The following FAM135B variants were observed in gnomAD, a reference collection of about 807,000 sequenced individuals.
FAM135B encodes family with sequence similarity 135 member B.
A neutral mutation model predicts 127.7 loss-of-function variants in FAM135B; 43 were observed. The observed-to-expected ratio is 0.34, with a 90% confidence interval of 0.26 to 0.43. The LOEUF (loss-of-function observed/expected upper bound fraction) is 0.43. Among genes scored for constraint, FAM135B ranks in the 20% least tolerant of loss-of-function variants. The pLI is 1.00. For missense variants in FAM135B, 1,558 were observed against 1,725.6 expected, an observed-to-expected ratio of 0.90 and a Z score of 1.72; for synonymous variants, 670 against 665.1, an observed-to-expected ratio of 1.01 and a Z score of -0.11.
chr8:138,405,663 A>G (rs1390985582), intron 1 of FAM135B, among the ~76,000 whole-genome samples: 1 of 152,122 alleles, frequency 6.6e-6, no homozygotes, highest in East Asian at 1.9e-4. Flanking sequence ...GAATAGTGCC[A>G]CAATAAACAT....
chr8:138,343,015 C>T (rs1227668719), intron 2 of FAM135B, among the ~76,000 whole-genome samples: 1 of 152,216 alleles, frequency 6.6e-6, no homozygotes, highest in Non-Finnish European at 1.5e-5. Flanking sequence ...TCCTTACATT[C>T]CATGCTTCAA....
chr8:138,475,273 G>A (rs1587541679), intron 1 of FAM135B, among the ~76,000 whole-genome samples: 2 of 152,006 alleles, frequency 1.3e-5, no homozygotes, highest in Admixed American at 1.3e-4. Flanking sequence ...CCACAATTCT[G>A]TCTCCTGCCC....
intron 3 of FAM135B, among the ~76,000 whole-genome samples, chr8:138,309,283 G>A (rs1265463716): frequency 6.6e-6 from 1 of 151,466 alleles, no homozygotes; most frequent in Non-Finnish European, 1.5e-5. Context: ...AGGAAAGGAG[G>A]GAACTACTGG....
rs935364108 is a variant in FAM135B, at chr8:138,242,355, T to C, written c.669+587A>G. On this transcript the variant is annotated intron_variant, in intron 7 of 19. Transcript: ENST00000395297. The surrounding 1 kb of genome is among the most constrained non-coding windows in gnomAD (Gnocchi z 9.6). The stretch of plus-strand genomic sequence containing the variant: ...TGAGCAGAATCATACCCTGTGTGGT[T>C]AAAGCCCTGCACATCACAGAAGAGC... Among the ~76,000 whole-genome samples the C allele has an allele frequency of 6.6e-6, 1 of 152,040 alleles. No individual in the cohort carries two copies. The highest frequency in any genetic ancestry group is 6.6e-5 in the Admixed American group (1 of 15,258).
intron 2 of FAM135B, among the ~76,000 whole-genome samples, chr8:138,330,640 G>A (rs1828101693): frequency 1.3e-5 from 2 of 152,124 alleles, no homozygotes; most frequent in African/African-American, 4.8e-5. Context: ...TCAACTCACA[G>A]AGGTTAAGTG....
chr8:138,280,812 C>T (rs1442724209), intron 3 of FAM135B, among the ~76,000 whole-genome samples: 1 of 152,112 alleles, frequency 6.6e-6, no homozygotes, highest in Non-Finnish European at 1.5e-5. Context: ...AGCAGTGTCT[C>T]CCCAAGGGAA....
intron 2 of FAM135B, among the ~76,000 whole-genome samples, chr8:138,335,770 C>T (rs1563910700): frequency 6.6e-6 from 1 of 152,214 alleles, no homozygotes; most frequent in African/African-American, 2.4e-5. Flanking sequence ...TAGACATCTA[C>T]AGAACTCTCC....
intron 7 of FAM135B, among the ~76,000 whole-genome samples, chr8:138,239,547 G>A (rs11994846): frequency 0.17 from 26,606 of 152,088 alleles, 2,445 homozygotes; most frequent in African/African-American, 0.21. Context: ...CTGTGCAGAA[G>A]CTCTTTAGTT....
intron 1 of FAM135B, among the ~76,000 whole-genome samples, chr8:138,396,039 T>C (rs1439090555): frequency 6.6e-6 from 1 of 152,208 alleles, no homozygotes; most frequent in East Asian, 1.9e-4. Context: ...TTATGTCAAG[T>C]ATTTTCCTGT....
At chr8:138,322,849 T>C (rs996425843) in intron 2 of FAM135B, among the ~76,000 whole-genome samples, 1 of 152,136 alleles carries the variant, frequency 6.6e-6, no homozygotes, top group African/African-American at 2.4e-5. Context: ...GGGAAGACAC[T>C]GTGATGCGGA....
At chr8:138,246,620 G>C (rs1821309778) in intron 6 of FAM135B, among the ~76,000 whole-genome samples, 1 of 152,210 alleles carries the variant, frequency 6.6e-6, no homozygotes, top group Non-Finnish European at 1.5e-5. Context: ...TGCAGGAGCA[G>C]ACCCCTCATG....
At chr8:138,400,689 G>C (rs1833110180) in intron 1 of FAM135B, among the ~76,000 whole-genome samples, 1 of 152,098 alleles carries the variant, frequency 6.6e-6, no homozygotes, top group South Asian at 2.1e-4. Context: ...CCAAGACAGG[G>C]AATGTGCTAC....
At chr8:138,335,202 T>C (rs1828478241) in intron 2 of FAM135B, among the ~76,000 whole-genome samples, 1 of 152,154 alleles carries the variant, frequency 6.6e-6, no homozygotes, top group South Asian at 2.1e-4. Context: ...AGGAGTCTGT[T>C]CTTGGGAATC....
At chr8:138,390,211 A>G (rs1832466524) in intron 1 of FAM135B, among the ~76,000 whole-genome samples, 1 of 152,128 alleles carries the variant, frequency 6.6e-6, no homozygotes. Flanking sequence ...GTCCCCACCC[A>G]AATCTCATCT....
chr8:138,490,627 A>G (rs1815156682), intron 1 of FAM135B, among the ~76,000 whole-genome samples: 1 of 152,174 alleles, frequency 6.6e-6, no homozygotes, highest in South Asian at 2.1e-4. Context: ...CCTCTAGATT[A>G]TCCATATGCA....
At chr8:138,170,517 C>T (rs374783869) in intron 11 of FAM135B, among the ~76,000 whole-genome samples, 21 of 152,264 alleles carry the variant, frequency 1.4e-4, no homozygotes, top group Admixed American at 9.8e-4. Context: ...CCACCGCGCC[C>T]GGCCCACTAT....
Position 138,161,654 on chromosome 8 carries a change from C to T in FAM135B, c.1258+6241G>A, listed in dbSNP as rs115185880. ...CTGCAGGAAGCATTAAGACATGATG[C>T]CTTTGAATGAAGTTTATGATTGCAG... On this transcript the variant is annotated intron_variant, in intron 12 of 19. Transcript: ENST00000395297. Among the ~76,000 whole-genome samples the T allele has an allele frequency of 6.2e-4, 95 of 152,232 alleles. 1 individual carries two copies. Among genetic ancestry groups the T allele is most frequent in the African/African-American group, 1.7e-3 (72 of 41,552 alleles).
At chr8:138,409,939 G>A (rs1166433397) in intron 1 of FAM135B, among the ~76,000 whole-genome samples, 2 of 150,368 alleles carry the variant, frequency 1.3e-5, no homozygotes, top group African/African-American at 2.4e-5. Context: ...AAGTCTGAGA[G>A]TTGACCAAGG....
intron 11 of FAM135B, among the ~76,000 whole-genome samples, chr8:138,170,698 C>T (rs946065278): frequency 2.0e-5 from 3 of 152,126 alleles, no homozygotes; most frequent in Non-Finnish European, 2.9e-5. Context: ...ATTCTCAATT[C>T]TTCTGCTGAA....
Sources: gnomAD v4.1 joint callset for allele counts (sites outside exome capture counted in the v4.1 genomes callset) on GRCh38, gnomAD v4.1.1 for gene constraint, Gnocchi (gnomAD v3.1) non-coding constraint, MANE v1.5 for transcripts, NCBI Gene and HGNC (gene_info 2026-07-23, HGNC 2026-07-21) for gene names.